The following SLC4A4 variants were observed in gnomAD, a reference collection of about 807,000 sequenced individuals.
SLC4A4 encodes solute carrier family 4 member 4.
In SLC4A4, 27 loss-of-function variants were observed where a neutral mutation model predicts 111.5. The observed-to-expected ratio is 0.24, with a 90% CI of 0.18 to 0.33. SLC4A4 has a LOEUF of 0.33. Among genes scored for constraint, SLC4A4 ranks in the 10% least tolerant of loss-of-function variants. The probability of loss-of-function intolerance (pLI) is 1.00; values close to 1 mark genes in which losing one functional copy is unlikely to be tolerated. For missense variants in SLC4A4, 909 were observed against 1,315.5 expected (o/e 0.69, Z 4.78); for synonymous variants, 443 against 463.4 (o/e 0.96, Z 0.57).
chr4:71,468,164 T>C (rs900481806), intron 13 of SLC4A4, among the ~76,000 whole-genome samples: 3 of 152,110 alleles, frequency 2.0e-5, no homozygotes, highest in African/African-American at 7.2e-5. Flanking sequence ...ATCCCTTCTC[T>C]ATCATAATTC....
At chr4:71,374,665 C>A (rs1732183935) in intron 6 of SLC4A4, among the ~76,000 whole-genome samples, 1 of 151,856 alleles carries the variant, frequency 6.6e-6, no homozygotes, top group South Asian at 2.1e-4. Context: ...TAGAGAAAAT[C>A]AAGATGAGAG....
chr4:71,389,246 C>G (rs1205412468), intron 6 of SLC4A4, among the ~76,000 whole-genome samples: 2 of 152,182 alleles, frequency 1.3e-5, no homozygotes, highest in Non-Finnish European at 2.9e-5. Flanking sequence ...GACATCCTCT[C>G]TATTATCTTT....
intron 2 of SLC4A4, among the ~76,000 whole-genome samples, chr4:71,144,680 G>T (rs372876213): frequency 0.014 from 2,116 of 151,370 alleles, 62 homozygotes; most frequent in African/African-American, 0.048. Flanking sequence ...GTAAGTTGGA[G>T]TCCTAGGTAT....
chr4:71,140,726 G>A (rs1743972498), intron 2 of SLC4A4, among the ~76,000 whole-genome samples: 2 of 151,894 alleles, frequency 1.3e-5, no homozygotes, highest in Admixed American at 6.6e-5. Context: ...ATCATATGAC[G>A]ATCTGTTGGC....
intron 7 of SLC4A4, among the ~76,000 whole-genome samples, chr4:71,434,994 C>A (rs1038304064): frequency 6.6e-6 from 1 of 152,164 alleles, no homozygotes; most frequent in African/African-American, 2.4e-5. Flanking sequence ...GGCCATACTG[C>A]CCAAAGTAAT....
At chr4:71,160,050 C>T (rs1452899) in intron 2 of SLC4A4, among the ~76,000 whole-genome samples, 55,679 of 152,058 alleles carry the variant, frequency 0.37, 15,546 homozygotes, top group African/African-American at 0.77. Context: ...CTAAGCACTT[C>T]ACATCTATTT....
chr4:71,104,633 A>C (rs1410811169), intron 2 of SLC4A4, among the ~76,000 whole-genome samples: 1 of 58,674 alleles, frequency 1.7e-5, no homozygotes, highest in African/African-American at 6.5e-5. Flanking sequence ...CAAATCAATA[A>C]ATGTAATCCA....
At chr4:71,363,074 G>A (rs1730940784) in intron 6 of SLC4A4, among the ~76,000 whole-genome samples, 2 of 152,050 alleles carry the variant, frequency 1.3e-5, no homozygotes, top group South Asian at 4.1e-4. Context: ...CTGCCAGGTG[G>A]GATGCCACTT....
At chr4:71,337,886 A>G (rs185056422) in intron 3 of SLC4A4, among the ~76,000 whole-genome samples, 1,988 of 151,836 alleles carry the variant, frequency 0.013, 47 homozygotes, top group African/African-American at 0.045. Flanking sequence ...CTGGAGTGCA[A>G]TGGCATGATC....
chr4:71,249,310 A>G (rs542992564), intron 2 of SLC4A4, among the ~76,000 whole-genome samples: 21 of 152,292 alleles, frequency 1.4e-4, no homozygotes, highest in African/African-American at 4.6e-4. Flanking sequence ...TGTAATACGT[A>G]ATTATCTATT....
chr4:71,249,097 G>A (rs1292892164), intron 2 of SLC4A4, among the ~76,000 whole-genome samples: 7 of 152,032 alleles, frequency 4.6e-5, no homozygotes, highest in African/African-American at 1.2e-4. Flanking sequence ...AGTCTTGCTT[G>A]GGGAACCTCA....
At position 71,136,691 on chromosome 4, in the gene SLC4A4, T is replaced by G. The variant is rs910451905; in HGVS notation, c.-2+43899T>G. On this transcript the variant is annotated intron_variant, in intron 2 of 26. Coordinates refer to the SLC4A4 transcript ENST00000649996. ...TGAGCAAGTTACATAATCTCTTGGA[T>G]TCTCAGTTTCTCATTAATATACATG... Among the ~76,000 whole-genome samples, 6 of 152,324 alleles carry G rather than the reference T, an allele frequency of 3.9e-5. 1 individual carries two copies. The highest frequency in any genetic ancestry group is 1.4e-4 in the African/African-American group (6 of 41,580).
At position 71,332,350 on chromosome 4, in the gene SLC4A4, C is replaced by T. The variant is rs78980344; in HGVS notation, c.254-7020C>T. Among the ~76,000 whole-genome samples the T allele has an allele frequency of 3.3e-5, 5 of 151,990 alleles. No individual in the cohort carries two copies. In the South Asian group the frequency reaches 6.2e-4, roughly 19 times the overall value. ...AATCTTTCTCTCCCTTCTCTTTATGCCAATAACCCTTAGCTTTGCCCTTTT... is the reference window on the plus strand; with the variant it reads ...AATCTTTCTCTCCCTTCTCTTTATGTCAATAACCCTTAGCTTTGCCCTTTT... On this transcript the variant is annotated intron_variant, in intron 3 of 25. Transcript: ENST00000264485.
At chr4:71,220,264 T>A (rs1718662726) in intron 1 of SLC4A4, among the ~76,000 whole-genome samples, 1 of 152,234 alleles carries the variant, frequency 6.6e-6, no homozygotes, top group Middle Eastern at 3.2e-3. Flanking sequence ...TGTTAGCATT[T>A]TTTAGCAATA....
chr4:71,448,666 A>G (rs898416691), intron 9 of SLC4A4, among the ~76,000 whole-genome samples: 1 of 152,174 alleles, frequency 6.6e-6, no homozygotes, highest in Non-Finnish European at 1.5e-5. Context: ...AAAATTCTGA[A>G]CTATTCCCAT....
intron 2 of SLC4A4, among the ~76,000 whole-genome samples, chr4:71,109,839 G>A (rs141361184): frequency 2.6e-5 from 4 of 152,108 alleles, no homozygotes; most frequent in South Asian, 4.2e-4. Flanking sequence ...CACCACACCC[G>A]GCAATTTTTC....
intron 1 of SLC4A4, among the ~76,000 whole-genome samples, chr4:71,220,608 G>A (rs1718684762): frequency 1.3e-5 from 2 of 152,038 alleles, no homozygotes; most frequent in Non-Finnish European, 2.9e-5. Context: ...CAGTTGATTT[G>A]TTTGAATTAG....
intron 1 of SLC4A4, among the ~76,000 whole-genome samples, chr4:71,080,897 A>G (rs1467918088): frequency 6.6e-6 from 1 of 152,074 alleles, no homozygotes; most frequent in Non-Finnish European, 1.5e-5. Flanking sequence ...GATTGTTGGT[A>G]AATGAAGATA....
rs566078981 is a variant in SLC4A4 at position 71,111,798 on chromosome 4, G to C, written c.-2+19006G>C. 4.5e-3 allele frequency among the ~76,000 whole-genome samples: 685 copies of C among 151,962 alleles called. 1 individual carries two copies. Among genetic ancestry groups the C allele is most frequent in the Non-Finnish European group, 7.7e-3 (523 of 67,986 alleles). ...TGCAACCTCTGCCTCCCAGGCTCAA[G>C]TGATTCTCCTGCCTCAGCCTCCCGA... On this transcript the variant is annotated intron_variant, in intron 2 of 26. Transcript: ENST00000649996.
Sources: allele counts gnomAD v4.1 joint callset (sites outside exome capture counted in the v4.1 genomes callset), GRCh38; gene constraint gnomAD v4.1.1; transcripts MANE v1.5; gene names NCBI Gene and HGNC (gene_info 2026-07-23, HGNC 2026-07-21).